Variants in CCDC125 observed in about 807,000 individuals in gnomAD.
CCDC125 encodes the protein coiled-coil domain containing 125, also known as coiled-coil domain-containing protein 125.
CCDC125 carries 43 observed loss-of-function variants against 57.4 expected under a neutral mutation model. The ratio of observed to expected loss-of-function variants is 0.75; its 90% CI spans 0.59 to 0.97. CCDC125 has a LOEUF of 0.97. Among genes scored for constraint, CCDC125 ranks in the 50% least tolerant of loss-of-function variants. The pLI, the probability that CCDC125 is intolerant of heterozygous loss-of-function variation, is 0.00. For synonymous variants in CCDC125, 187 were observed against 195.2 expected (o/e 0.96, Z 0.35); for missense variants, 563 against 595.7 (o/e 0.95, Z 0.57).
Position 69,282,691 on chromosome 5 carries a change from ATAAACAACTCTCAGTT to A in CCDC125, c.*22_*37del. 1.3e-6 allele frequency: 2 copies of A among 1,482,800 alleles called. No homozygotes were observed. Among genetic ancestry groups the A allele is most frequent in the Non-Finnish European group, 1.8e-6 (2 of 1,102,662 alleles). The allele number at this position is 1,482,800 out of a possible 1,614,324, so 91.9% of individuals were successfully genotyped here. ...AAATCATTTTTCAAAGTATCTCGATATAAACAACTCTCAGTTCCAATTTCAACTGGCTTGTCTTTAA... is the reference window on the plus strand; with the variant it reads ...AAATCATTTTTCAAAGTATCTCGATACCAATTTCAACTGGCTTGTCTTTAA... On this transcript the variant is annotated 3_prime_UTR_variant, in exon 12 of 12. Transcript: ENST00000396496.
chr5:69,277,413 G>A (rs1356523533), downstream of CCDC125: 1 of 293,432 alleles, frequency 3.4e-6, no homozygotes, highest in Non-Finnish European at 6.3e-6. Flanking sequence ...ATTATTACCA[G>A]TTATTTGGAA....
chr5:69,278,320 C>T (rs1353217280), downstream of CCDC125, among the ~76,000 whole-genome samples: 3 of 151,924 alleles, frequency 2.0e-5, no homozygotes, highest in Non-Finnish European at 4.4e-5. Context: ...GTTCTCCTGC[C>T]TCAGCCTCCC....
At chr5:69,302,500 C>T (rs1408376628) in intron 7 of CCDC125, among the ~76,000 whole-genome samples, 2 of 139,864 alleles carry the variant, frequency 1.4e-5, no homozygotes, top group African/African-American at 2.7e-5. Flanking sequence ...CTGAGGCGGG[C>T]GGATCACGAG....
At chr5:69,293,519 A>G (rs1011242418) in intron 9 of CCDC125, among the ~76,000 whole-genome samples, 55 of 151,974 alleles carry the variant, frequency 3.6e-4, no homozygotes, top group Admixed American at 1.0e-3. Flanking sequence ...GAGTGGTGGC[A>G]GGCGCCTGTA....
At chr5:69,286,768 G>C (rs1753551360) in intron 10 of CCDC125, among the ~76,000 whole-genome samples, 1 of 152,094 alleles carries the variant, frequency 6.6e-6, no homozygotes, top group Admixed American at 6.6e-5. Context: ...GGGAAACTGA[G>C]AGCAGATGAG....
At position 69,282,741 on chromosome 5, in the gene CCDC125, A is replaced by G. The variant is rs889531946; in HGVS notation, c.1524T>C (p.Ser508=). ...TLKRSHSLPS[S]IIF Reference sequence around the variant, plus strand: ...AACTGGCTTGTCTTTAAAATATGATACTTGATGGCAAAGAATGGGATCTTT... The same window carrying G: ...AACTGGCTTGTCTTTAAAATATGATGCTTGATGGCAAAGAATGGGATCTTT... The change falls in exon 12 of 12, where the codon AGT becomes AGC. Residue 508 remains serine, a synonymous_variant. Coordinates refer to ENST00000396496, the MANE Select transcript of CCDC125 (RefSeq NM_176816.5). The G allele has an allele frequency of 6.3e-7, 1 of 1,589,922 alleles. No homozygotes were observed. Among genetic ancestry groups the G allele is most frequent in the Admixed American group, 1.8e-5 (1 of 54,830 alleles).
At chr5:69,296,889 G>A (rs930198171) in intron 8 of CCDC125, among the ~76,000 whole-genome samples, 1 of 151,902 alleles carries the variant, frequency 6.6e-6, no homozygotes, top group South Asian at 2.1e-4. Flanking sequence ...GCTTGAACCC[G>A]GGAGGCAGAG....
At position 69,319,998 on chromosome 5, in the gene CCDC125, G is replaced by A. The variant is rs140508445; in HGVS notation, c.304+239C>T. On this transcript the variant is annotated intron_variant, in intron 2 of 11. Coordinates refer to ENST00000396496, the MANE Select transcript of CCDC125 (RefSeq NM_176816.5). ...TAGCCAGGTGTAGTGGTGCATGCCT[G>A]TAATCCCAGCTACTCCAGTGGCTGA... Among the ~76,000 whole-genome samples the A allele has an allele frequency of 9.4e-3, 1,437 of 152,140 alleles. 12 individuals carry two copies. Among genetic ancestry groups the A allele is most frequent in the Admixed American group, 0.029 (442 of 15,286 alleles).
chr5:69,308,272 G>C, intron 4 of CCDC125: 1 of 514,682 alleles, frequency 1.9e-6, no homozygotes, highest in East Asian at 3.3e-5. Flanking sequence ...GTTCAGAACA[G>C]TACTATTCAT....
intron 9 of CCDC125, among the ~76,000 whole-genome samples, chr5:69,294,318 T>C (rs1754976433): frequency 6.6e-6 from 1 of 152,318 alleles, no homozygotes; most frequent in East Asian, 1.9e-4. Flanking sequence ...TTTTTTTTTT[T>C]TTCTTGGAGA....
At chr5:69,276,813 T>C (rs1251018354), downstream of CCDC125, 4 of 865,368 alleles carry the variant, frequency 4.6e-6, no homozygotes, top group Non-Finnish European at 7.1e-6. Flanking sequence ...TTTTATAAAT[T>C]TAATTGTATA....
intron 10 of CCDC125, among the ~76,000 whole-genome samples, chr5:69,287,815 T>C (rs984007841): frequency 6.6e-6 from 1 of 151,602 alleles, no homozygotes; most frequent in African/African-American, 2.4e-5. Flanking sequence ...GCAATCCTCC[T>C]GCCTCAGCCT....
At chr5:69,329,306 G>A (rs1266167766) in intron 1 of CCDC125, among the ~76,000 whole-genome samples, 3 of 152,034 alleles carry the variant, frequency 2.0e-5, no homozygotes, top group Non-Finnish European at 2.9e-5. Context: ...TGGGACTACA[G>A]GCATGTGCCA....
At chr5:69,277,224 G>A, downstream of CCDC125, 1 of 890,752 alleles carries the variant, frequency 1.1e-6, no homozygotes, top group Non-Finnish European at 1.7e-6. Flanking sequence ...AAATGCTGTA[G>A]AAGTGAGTTT....
intron 4 of CCDC125, chr5:69,308,326 C>A: frequency 2.6e-6 from 1 of 383,618 alleles, no homozygotes; most frequent in Non-Finnish European, 4.9e-6. Flanking sequence ...GGCTCTGTGT[C>A]CCCACCCAAA....
At chr5:69,328,226 G>A (rs1025612455) in intron 1 of CCDC125, among the ~76,000 whole-genome samples, 6 of 152,144 alleles carry the variant, frequency 3.9e-5, no homozygotes, top group African/African-American at 1.4e-4. Context: ...AAATTAAAAT[G>A]AGTCTGTATT....
At position 69,300,044 on chromosome 5, in the gene CCDC125, T is replaced by C. The variant is rs552118997; in HGVS notation, c.784A>G (p.Lys262Glu). 6 of 1,614,220 alleles carry C rather than the reference T, an allele frequency of 3.7e-6. No homozygotes were observed. In the African/African-American group the frequency reaches 5.3e-5, roughly 14 times the overall value. The change falls in exon 8 of 12, where the codon AAA becomes GAA. Residue 262 changes from lysine to glutamate, a missense_variant. By Grantham distance (56) the Lys-to-Glu change is moderately conservative. Coordinates refer to ENST00000396496, the MANE Select transcript of CCDC125 (RefSeq NM_176816.5). ...KMAQENMCCD[K>E]SGFAEASGLE... ...CCTGAAGCCTCTGCAAAGCCACTTT[T>C]ATCACAGCACATGTTTTCCTGAGCC...
intron 8 of CCDC125, among the ~76,000 whole-genome samples, chr5:69,296,157 C>T (rs1166363551): frequency 2.0e-5 from 3 of 151,452 alleles, no homozygotes; most frequent in Admixed American, 1.3e-4. Flanking sequence ...GCTGGGATTA[C>T]AGGCATGAGC....
chr5:69,312,622 T>C (rs1191509093), intron 3 of CCDC125, among the ~76,000 whole-genome samples: 2 of 152,154 alleles, frequency 1.3e-5, no homozygotes, highest in African/African-American at 4.8e-5. Context: ...AAGGAAGTGA[T>C]AACTTACTTT....
Sources: gnomAD v4.1 joint callset for allele counts (sites outside exome capture counted in the v4.1 genomes callset) on GRCh38, gnomAD v4.1.1 for gene constraint, MANE v1.5 for transcripts, NCBI Gene and HGNC (gene_info 2026-07-23, HGNC 2026-07-21) for gene names.